The following ADAMTS17 variants were observed in gnomAD, a reference collection of about 807,000 sequenced individuals.
The protein encoded by ADAMTS17 is A disintegrin and metalloproteinase with thrombospondin motifs 17.
Under a neutral mutation model 141.5 loss-of-function variants are expected in ADAMTS17, and 113 were observed. The observed-to-expected ratio is 0.80, with a 90% CI of 0.69 to 0.93. The LOEUF is 0.93. Ranked by LOEUF, ADAMTS17 falls within the 40% of genes least tolerant of loss-of-function variation. ADAMTS17 has a pLI of 0.00. For missense variants in ADAMTS17, 1,659 were observed against 1,517.9 expected (o/e 1.09, Z -1.54); for synonymous variants, 768 against 630.6 (o/e 1.22, Z -3.27).
At chr15:100,323,166 A>G (rs1032823918) in intron 3 of ADAMTS17, among the ~76,000 whole-genome samples, 1 of 151,890 alleles carries the variant, frequency 6.6e-6, no homozygotes, top group Non-Finnish European at 1.5e-5. Flanking sequence ...AAATTCAATT[A>G]ATTTATAGCA....
intron 8 of ADAMTS17, among the ~76,000 whole-genome samples, chr15:100,172,714 G>A (rs1047681397): frequency 3.3e-5 from 5 of 152,240 alleles, no homozygotes; most frequent in East Asian, 1.9e-4. Context: ...TAGCCAATAC[G>A]GGAACAACAC....
chr15:100,303,545 C>T (rs534317158), intron 3 of ADAMTS17, among the ~76,000 whole-genome samples: 155 of 152,032 alleles, frequency 1.0e-3, no homozygotes, highest in African/African-American at 3.7e-3. Context: ...AAACCTAGAC[C>T]ACAAATACTC....
intron 15 of ADAMTS17, among the ~76,000 whole-genome samples, chr15:100,081,411 T>C (rs1030468293): frequency 6.6e-6 from 1 of 152,218 alleles, no homozygotes; most frequent in Non-Finnish European, 1.5e-5. Context: ...TATATATGTA[T>C]GTGTGTATCT....
intron 3 of ADAMTS17, among the ~76,000 whole-genome samples, chr15:100,320,834 AAAG>A (rs2045711830): frequency 6.6e-6 from 1 of 152,206 alleles, no homozygotes; most frequent in African/African-American, 2.4e-5. Context: ...CTCTGTCTCA[AAAG>A]AAGAAAAAAA....
intron 7 of ADAMTS17, among the ~76,000 whole-genome samples, chr15:100,234,492 T>C (rs1213494220): frequency 6.6e-6 from 1 of 152,194 alleles, no homozygotes; most frequent in East Asian, 1.9e-4. Flanking sequence ...ACCTGTCTCA[T>C]TGGCCCCATC....
At chr15:100,333,880 T>C (rs1567549336) in intron 2 of ADAMTS17, among the ~76,000 whole-genome samples, 1 of 152,218 alleles carries the variant, frequency 6.6e-6, no homozygotes, top group South Asian at 2.1e-4. Context: ...TAAATGCCTA[T>C]GGCAGACAGA....
intron 8 of ADAMTS17, among the ~76,000 whole-genome samples, chr15:100,156,289 C>T (rs1247024032): frequency 6.6e-6 from 1 of 152,218 alleles, no homozygotes; most frequent in Non-Finnish European, 1.5e-5. Flanking sequence ...AGCAACCCTG[C>T]TTGTTGCCTA....
Position 99,973,248 on chromosome 15 carries a change from A to C in ADAMTS17, c.*1154T>G, listed in dbSNP as rs949733036. 1 of 152,100 alleles carries C rather than the reference A, an allele frequency of 6.6e-6. No homozygotes were observed. Among genetic ancestry groups the C allele is most frequent in the Non-Finnish European group, 1.5e-5 (1 of 68,044 alleles). The allele number at this position is 152,100 out of a possible 1,614,324, so 9.4% of individuals were successfully genotyped here. A position where few individuals can be genotyped will look rare whatever the true frequency, so the allele number is the denominator to read the frequency against. On this transcript the variant is annotated 3_prime_UTR_variant, in exon 22 of 22. Transcript: ENST00000268070. ...AGGCGTGATGATAATGGGTACCACA[A>C]AGTCTGGGGCTACAGGAAGGCTCGG...
intron 2 of ADAMTS17, among the ~76,000 whole-genome samples, chr15:100,334,352 C>T (rs1052880341): frequency 2.0e-5 from 3 of 152,172 alleles, no homozygotes; most frequent in African/African-American, 7.2e-5. Context: ...CCACAAAGAC[C>T]GCAATGGAAT....
chr15:100,293,745 C>T (rs2044720247), intron 3 of ADAMTS17, among the ~76,000 whole-genome samples: 1 of 152,172 alleles, frequency 6.6e-6, no homozygotes, highest in African/African-American at 2.4e-5. Context: ...CTACGGGGAC[C>T]CAAACATTAA....
chr15:100,296,583 G>GTGTGTGTGTGTGTGTGTGTGTA (rs1204841615), intron 3 of ADAMTS17, among the ~76,000 whole-genome samples: 19 of 133,182 alleles, frequency 1.4e-4, no homozygotes, highest in African/African-American at 6.6e-4. Context: ...GAGGGGGGGT[G>GTGTGTGTGTGTGTGTGTGTGTA]TGTGTGTGTG....
intron 8 of ADAMTS17, among the ~76,000 whole-genome samples, chr15:100,161,463 C>A (rs1383916257): frequency 6.6e-6 from 1 of 152,164 alleles, no homozygotes; most frequent in Non-Finnish European, 1.5e-5. Context: ...GTGAACACAG[C>A]CTCTCCATGG....
chr15:100,292,418 G>C (rs184196777), intron 3 of ADAMTS17, among the ~76,000 whole-genome samples: 3 of 150,182 alleles, frequency 2.0e-5, no homozygotes, highest in Admixed American at 6.6e-5. Context: ...CACCCCGTTA[G>C]AGACACTCAC....
intron 7 of ADAMTS17, among the ~76,000 whole-genome samples, chr15:100,224,178 T>C (rs1389258827): frequency 1.3e-5 from 2 of 152,206 alleles, no homozygotes. Flanking sequence ...TTCTGTATCC[T>C]TCAATCCAGT....
intron 10 of ADAMTS17, among the ~76,000 whole-genome samples, chr15:100,134,542 G>C (rs998143678): frequency 4.6e-5 from 7 of 152,232 alleles, no homozygotes; most frequent in African/African-American, 1.7e-4. Context: ...CCTGTAGCTG[G>C]TGCAGGGTGG....
chr15:100,309,581 T>C (rs2045337920), intron 3 of ADAMTS17, among the ~76,000 whole-genome samples: 1 of 152,180 alleles, frequency 6.6e-6, no homozygotes, highest in Non-Finnish European at 1.5e-5. Flanking sequence ...TCCCATGGGC[T>C]TCTTGAGATT....
chr15:100,073,293 G>A (rs1158173765), intron 15 of ADAMTS17, among the ~76,000 whole-genome samples: 2 of 152,114 alleles, frequency 1.3e-5, no homozygotes, highest in Non-Finnish European at 2.9e-5. Context: ...GGAGAAATAG[G>A]AACACTTTTA....
At chr15:100,073,823 G>C (rs1334892163) in intron 15 of ADAMTS17, among the ~76,000 whole-genome samples, 1 of 151,434 alleles carries the variant, frequency 6.6e-6, no homozygotes, top group African/African-American at 2.4e-5. Context: ...TAAATAACGA[G>C]TTGATGGGTG....
intron 6 of ADAMTS17, among the ~76,000 whole-genome samples, chr15:100,254,471 G>A (rs2043258764): frequency 6.6e-6 from 1 of 152,138 alleles, no homozygotes; most frequent in African/African-American, 2.4e-5. Context: ...GAAGATGTTT[G>A]CCAAGTCACT....
Sources: gnomAD v4.1 joint callset for allele counts (sites outside exome capture counted in the v4.1 genomes callset) on GRCh38, gnomAD v4.1.1 for gene constraint, MANE v1.5 for transcripts, NCBI Gene and HGNC (gene_info 2026-07-23, HGNC 2026-07-21) for gene names.